The following FAF1 variants were observed in gnomAD, a reference collection of about 807,000 sequenced individuals.
The protein encoded by FAF1 is Fas associated factor 1.
In FAF1, 25 loss-of-function variants were observed where a neutral mutation model predicts 92.5. That is an observed-to-expected ratio of 0.27 (90% CI 0.20 to 0.38). FAF1 has a LOEUF of 0.38. Ranked by LOEUF, FAF1 falls within the 10% of genes least tolerant of loss-of-function variation. FAF1 has a pLI of 1.00. For synonymous variants in FAF1, 234 were observed against 273.2 expected (o/e 0.86, Z 1.42); for missense variants, 636 against 793.3 (o/e 0.80, Z 2.38).
chr1:50,698,271 A>G (rs1222151758), intron 7 of FAF1, among the ~76,000 whole-genome samples: 1 of 152,134 alleles, frequency 6.6e-6, no homozygotes, highest in Non-Finnish European at 1.5e-5. Context: ...GTAATGTGGT[A>G]CTTACCACAT....
chr1:50,919,887 A>C (rs1335712396), intron 1 of FAF1, among the ~76,000 whole-genome samples: 1 of 152,218 alleles, frequency 6.6e-6, no homozygotes, highest in African/African-American at 2.4e-5. Flanking sequence ...GAAAAAAGAA[A>C]TGTAAGAAGT....
intron 2 of FAF1, among the ~76,000 whole-genome samples, chr1:50,828,423 C>T (rs973000438): frequency 6.6e-6 from 1 of 152,086 alleles, no homozygotes; most frequent in Non-Finnish European, 1.5e-5. Flanking sequence ...CGCCCGCCAC[C>T]ACGTCCGGCT....
rs550681110 is a variant in FAF1 at position 50,745,936 on chromosome 1, G to C, written c.368-1161C>G. On this transcript the variant is annotated intron_variant, in intron 4 of 18. Coordinates refer to ENST00000396153, the MANE Select transcript of FAF1 (RefSeq NM_007051.3). The stretch of plus-strand genomic sequence containing the variant: ...ATGAGGGAAAATTAGGAACTTCCTA[G>C]AGACTTATCAACTTGTTGTCAACAA... 5.3e-5 allele frequency among the ~76,000 whole-genome samples: 8 copies of C among 152,138 alleles called. No individual in the cohort carries two copies. In the East Asian group the frequency reaches 1.6e-3, roughly 30 times the overall value.
intron 8 of FAF1, among the ~76,000 whole-genome samples, chr1:50,632,483 A>G (rs1653834249): frequency 6.6e-6 from 1 of 152,194 alleles, no homozygotes; most frequent in Non-Finnish European, 1.5e-5. Context: ...AGAAATTGGG[A>G]ACACATCTAT....
At chr1:50,709,916 G>C (rs148107062) in intron 6 of FAF1, among the ~76,000 whole-genome samples, 4 of 152,304 alleles carry the variant, frequency 2.6e-5, no homozygotes, top group African/African-American at 4.8e-5. Context: ...AATTTGATAA[G>C]TAGATATGGA....
intron 8 of FAF1, among the ~76,000 whole-genome samples, chr1:50,645,566 A>T: frequency 6.6e-6 from 1 of 152,204 alleles, no homozygotes; most frequent in Non-Finnish European, 1.5e-5. Flanking sequence ...GCTCATGCCT[A>T]TAATCCCAGC....
intron 13 of FAF1, among the ~76,000 whole-genome samples, chr1:50,543,426 C>G (rs1333123783): frequency 1.3e-5 from 2 of 152,144 alleles, no homozygotes; most frequent in Non-Finnish European, 2.9e-5. Flanking sequence ...TTCCTGATTA[C>G]TACATATTTC....
At chr1:50,926,544 T>C (rs558249156) in intron 1 of FAF1, among the ~76,000 whole-genome samples, 2 of 152,214 alleles carry the variant, frequency 1.3e-5, no homozygotes, top group East Asian at 3.9e-4. Flanking sequence ...CTATAATTTA[T>C]TGTATATTTT....
At chr1:50,799,015 T>A (rs1661869812) in intron 3 of FAF1, among the ~76,000 whole-genome samples, 2 of 152,196 alleles carry the variant, frequency 1.3e-5, no homozygotes, top group Non-Finnish European at 2.9e-5. Context: ...TTTTACCATG[T>A]TGGCCAGGCT....
intron 7 of FAF1, among the ~76,000 whole-genome samples, chr1:50,678,609 G>T (rs12567376): frequency 0.055 from 8,292 of 149,876 alleles, 302 homozygotes; most frequent in African/African-American, 0.1. Context: ...GTGAAACCCC[G>T]TCTCTACTAA....
chr1:50,827,724 C>A (rs1429160493), intron 2 of FAF1, among the ~76,000 whole-genome samples: 1 of 151,932 alleles, frequency 6.6e-6, no homozygotes, highest in African/African-American at 2.4e-5. Context: ...TTAAAGAATA[C>A]CTAAATACGT....
chr1:50,761,456 C>T (rs564592225), intron 4 of FAF1, among the ~76,000 whole-genome samples: 1 of 152,026 alleles, frequency 6.6e-6, no homozygotes, highest in South Asian at 2.1e-4. Context: ...ACTGGCAAAC[C>T]GAATCCAGCA....
intron 1 of FAF1, among the ~76,000 whole-genome samples, chr1:50,912,239 T>A (rs1174090997): frequency 1.3e-5 from 2 of 152,206 alleles, no homozygotes; most frequent in African/African-American, 4.8e-5. Flanking sequence ...TTAAAGTGTT[T>A]ACGGTGTTGT....
At chr1:50,621,440 C>G (rs897847056) in intron 8 of FAF1, among the ~76,000 whole-genome samples, 3 of 127,750 alleles carry the variant, frequency 2.3e-5, no homozygotes, top group African/African-American at 9.3e-5. Flanking sequence ...CACTCTGTAG[C>G]CCAAGCTGGA....
intron 4 of FAF1, among the ~76,000 whole-genome samples, chr1:50,775,436 T>G (rs893742742): frequency 6.6e-6 from 1 of 152,110 alleles, no homozygotes; most frequent in Admixed American, 6.5e-5. Context: ...CAAAATTTTA[T>G]GGGATCATAG....
intron 7 of FAF1, among the ~76,000 whole-genome samples, chr1:50,672,528 C>G (rs1026260586): frequency 6.6e-6 from 1 of 152,096 alleles, no homozygotes; most frequent in Non-Finnish European, 1.5e-5. Flanking sequence ...AACAATCTGC[C>G]TACCTCGACC....
At chr1:50,467,000 C>T (rs1646505077) in intron 18 of FAF1, among the ~76,000 whole-genome samples, 2 of 152,188 alleles carry the variant, frequency 1.3e-5, no homozygotes, top group African/African-American at 4.8e-5. Context: ...CTCTTGGTTA[C>T]CCACGCCAGC....
intron 1 of FAF1, among the ~76,000 whole-genome samples, chr1:50,888,203 T>C (rs1644686347): frequency 1.3e-5 from 2 of 152,228 alleles, no homozygotes; most frequent in African/African-American, 4.8e-5. Context: ...ATATGAATGC[T>C]TGTGATTTTT....
At chr1:50,668,698 C>T (rs535365991) in intron 7 of FAF1, among the ~76,000 whole-genome samples, 9 of 152,280 alleles carry the variant, frequency 5.9e-5, no homozygotes, top group South Asian at 2.1e-4. Context: ...AAGCTCCATA[C>T]GACTGGCCTT....
Sources: allele counts gnomAD v4.1 joint callset (sites outside exome capture counted in the v4.1 genomes callset), GRCh38; gene constraint gnomAD v4.1.1; transcripts MANE v1.5; gene names NCBI Gene and HGNC (gene_info 2026-07-23, HGNC 2026-07-21).